FMN1: variants seen among roughly 807,000 people sequenced by gnomAD.
The protein encoded by FMN1 is formin 1.
A neutral mutation model predicts 132.4 loss-of-function variants in FMN1; 110 were observed. The observed-to-expected ratio is 0.83, with a 90% CI of 0.71 to 0.97. FMN1 has a LOEUF of 0.97. FMN1 is among the 50% of genes least tolerant of loss of function. FMN1 has a pLI of 0.00. For missense variants in FMN1, 1,792 were observed against 1,705.3 expected (o/e 1.05, Z -0.90); for synonymous variants, 722 against 651.7 (o/e 1.11, Z -1.64).
At chr15:33,122,745 T>TG (rs1247089263) in intron 4 of FMN1, among the ~76,000 whole-genome samples, 1 of 152,230 alleles carries the variant, frequency 6.6e-6, no homozygotes, top group Non-Finnish European at 1.5e-5. Context: ...GCTAATGATG[T>TG]GTGTCAACAA....
chr15:32,820,808 T>C (rs2058191318), intron 17 of FMN1, among the ~76,000 whole-genome samples: 1 of 152,190 alleles, frequency 6.6e-6, no homozygotes, highest in African/African-American at 2.4e-5. Flanking sequence ...GGTTAAATAT[T>C]TTGCAAATAT....
At chr15:33,039,028 ATT>A (rs1420870396) in intron 6 of FMN1, among the ~76,000 whole-genome samples, 1 of 152,214 alleles carries the variant, frequency 6.6e-6, no homozygotes, top group Non-Finnish European at 1.5e-5. Flanking sequence ...TCCCCAGATT[ATT>A]TTTGTTTCCC....
intron 5 of FMN1, among the ~76,000 whole-genome samples, chr15:33,083,055 C>G (rs1224548617): frequency 6.6e-6 from 1 of 151,682 alleles, no homozygotes; most frequent in Non-Finnish European, 1.5e-5. Context: ...ATTACCCAAA[C>G]AGAGCTTCCC....
At chr15:33,074,404 G>C (rs998802839) in intron 5 of FMN1, among the ~76,000 whole-genome samples, 1 of 152,248 alleles carries the variant, frequency 6.6e-6, no homozygotes, top group African/African-American at 2.4e-5. Context: ...AGCCTCTCTG[G>C]GTCATCCCAT....
intron 16 of FMN1, among the ~76,000 whole-genome samples, chr15:32,884,214 CT>C (rs1435292516): frequency 1.3e-5 from 2 of 152,152 alleles, no homozygotes; most frequent in Non-Finnish European, 2.9e-5. Flanking sequence ...TGTTAGAAGT[CT>C]GACATGGGAC....
At chr15:32,979,813 T>C (rs544513140) in intron 7 of FMN1, among the ~76,000 whole-genome samples, 22 of 152,318 alleles carry the variant, frequency 1.4e-4, no homozygotes, top group African/African-American at 5.3e-4. Context: ...GTGTTCACTG[T>C]ATCCCATGAG....
intron 4 of FMN1, among the ~76,000 whole-genome samples, chr15:33,094,847 A>T (rs2039022185): frequency 1.3e-5 from 2 of 152,156 alleles, no homozygotes; most frequent in Admixed American, 1.3e-4. Context: ...ACACTTGAAA[A>T]ACAGGGGCAC....
chr15:32,908,328 C>T (rs1044271556), intron 12 of FMN1, 162 bp downstream of exon 12: 8 of 558,388 alleles, frequency 1.4e-5, no homozygotes, highest in African/African-American at 9.5e-5. Flanking sequence ...CTGCTTTTCC[C>T]GGCAGCAGGG....
chr15:33,163,298 C>CT (rs200600407), intron 3 of FMN1, among the ~76,000 whole-genome samples: 51,634 of 144,640 alleles, frequency 0.36, 10,575 homozygotes, highest in Admixed American at 0.45. Context: ...CTTGTCTTTT[C>CT]TTTTTTTTTT....
Position 32,969,128 on chromosome 15 carries a change from T to A in FMN1, c.2573A>T (p.Glu858Val). The A allele has an allele frequency of 6.2e-7, 1 of 1,613,548 alleles. No homozygotes were observed. Among genetic ancestry groups the A allele is most frequent in the Non-Finnish European group, 8.5e-7 (1 of 1,179,608 alleles). Residue 858 changes from glutamate (E) to valine (V), a missense_variant, in exon 8 of 21, where the codon GAG becomes GTG. Glu to Val is a moderately radical substitution (Grantham distance 121). Transcript: ENST00000616417. ...KDIHAALQPM[E>V]GMASNQQKAL... ...CTTCTGCTGATTTGATGCCATGCCCTCCATTGGCTGGAGTGCTGCATGGAT... is the reference window on the plus strand; with the variant it reads ...CTTCTGCTGATTTGATGCCATGCCCACCATTGGCTGGAGTGCTGCATGGAT...
At chr15:33,077,874 G>A (rs1427659246) in intron 5 of FMN1, among the ~76,000 whole-genome samples, 1 of 149,940 alleles carries the variant, frequency 6.7e-6, no homozygotes, top group Non-Finnish European at 1.5e-5. Context: ...GCAGCCAAAA[G>A]ACACATGAAA....
chr15:32,972,518 C>T (rs1054561260), intron 7 of FMN1, among the ~76,000 whole-genome samples: 5 of 152,148 alleles, frequency 3.3e-5, no homozygotes, highest in Admixed American at 6.5e-5. Context: ...TGATTTTGAC[C>T]TCTCTGCCAC....
intron 17 of FMN1, among the ~76,000 whole-genome samples, chr15:32,842,032 TGTG>T: frequency 6.6e-6 from 1 of 152,324 alleles, no homozygotes; most frequent in South Asian, 2.1e-4. Context: ...CCTGCATGTT[TGTG>T]CTGTTCTCTA....
intron 15 of FMN1, among the ~76,000 whole-genome samples, chr15:32,892,162 T>TC (rs1422340861): frequency 2.6e-5 from 4 of 152,176 alleles, no homozygotes; most frequent in African/African-American, 9.7e-5. Flanking sequence ...CTTCAACTTT[T>TC]CCCCATTCAA....
chr15:33,093,322 A>G lies in FMN1; in HGVS notation c.1868-4348T>C, dbSNP rs116385130. ...TTCTCAGCCGTGAATATCAGAACTG[A>G]TATGTACAGGTAGACATATCTTCCA... On this transcript the variant is annotated intron_variant, in intron 4 of 20. Coordinates refer to ENST00000616417, the MANE Select transcript of FMN1 (RefSeq NM_001277313.2). Among the ~76,000 whole-genome samples, 491 of 152,346 alleles carry G rather than the reference A, an allele frequency of 3.2e-3. 4 individuals carry two copies. The highest frequency in any genetic ancestry group is 0.011 in the African/African-American group (456 of 41,574).
At chr15:33,050,255 T>C (rs1364004781) in intron 6 of FMN1, among the ~76,000 whole-genome samples, 1 of 152,226 alleles carries the variant, frequency 6.6e-6, no homozygotes, top group Non-Finnish European at 1.5e-5. Context: ...TGTATACATA[T>C]TGTTAAACTT....
chr15:32,936,815 G>A (rs894359799), intron 9 of FMN1, among the ~76,000 whole-genome samples: 5 of 152,198 alleles, frequency 3.3e-5, no homozygotes, highest in Middle Eastern at 3.2e-3. Context: ...GGACAACACT[G>A]TGAAAAGGTG....
At chr15:32,954,506 C>A (rs2061720879) in intron 9 of FMN1, among the ~76,000 whole-genome samples, 1 of 152,094 alleles carries the variant, frequency 6.6e-6, no homozygotes, top group Non-Finnish European at 1.5e-5. Context: ...AGATGAGAAA[C>A]CTGAGATCGG....
intron 7 of FMN1, among the ~76,000 whole-genome samples, chr15:32,981,674 C>T (rs569965569): frequency 6.6e-6 from 1 of 151,680 alleles, no homozygotes; most frequent in African/African-American, 2.4e-5. Context: ...TACTTAGGAC[C>T]TTGGATTAGG....
Sources: gnomAD v4.1 joint callset for allele counts (sites outside exome capture counted in the v4.1 genomes callset) on GRCh38, gnomAD v4.1.1 for gene constraint, MANE v1.5 for transcripts, NCBI Gene and HGNC (gene_info 2026-07-23, HGNC 2026-07-21) for gene names.